RAPGEF6: variants seen among roughly 807,000 people sequenced by gnomAD.
RAPGEF6 encodes PDZ domain containing guanine nucleotide exchange factor (GEF) 2.
A neutral mutation model predicts 171.4 loss-of-function variants in RAPGEF6; 56 were observed. The observed-to-expected ratio is 0.33, with a 90% CI of 0.26 to 0.41. RAPGEF6 has a LOEUF of 0.41. Ranked by LOEUF, RAPGEF6 falls within the 10% of genes least tolerant of loss-of-function variation. The probability of loss-of-function intolerance (pLI) is 1.00; values close to 1 mark genes in which losing one functional copy is unlikely to be tolerated. For synonymous variants in RAPGEF6, 692 were observed against 650.1 expected, an observed-to-expected ratio of 1.06 and a Z score of -0.98; for missense variants, 1,674 against 1,921.4, an observed-to-expected ratio of 0.87 and a Z score of 2.41.
At chr5:131,500,055 T>C (rs1264575815) in intron 11 of RAPGEF6, among the ~76,000 whole-genome samples, 2 of 152,082 alleles carry the variant, frequency 1.3e-5, no homozygotes, top group Non-Finnish European at 2.9e-5. Context: ...TGCACCACTA[T>C]GCCCAGCTAA....
chr5:131,500,869 G>C (rs1756974451), intron 11 of RAPGEF6, among the ~76,000 whole-genome samples: 1 of 148,516 alleles, frequency 6.7e-6, no homozygotes, highest in African/African-American at 2.5e-5. Flanking sequence ...GTACCATAAA[G>C]TCAGTGTTGT....
intron 1 of RAPGEF6, among the ~76,000 whole-genome samples, chr5:131,625,349 A>G (rs915362770): frequency 7.9e-5 from 12 of 152,184 alleles, no homozygotes; most frequent in Non-Finnish European, 7.3e-5. Flanking sequence ...AGTTCATTTC[A>G]AAGTTTTTCA....
At chr5:131,583,356 C>A (rs1217709354) in intron 4 of RAPGEF6, among the ~76,000 whole-genome samples, 1 of 152,182 alleles carries the variant, frequency 6.6e-6, no homozygotes, top group East Asian at 1.9e-4. Context: ...AAAACAGACC[C>A]TTTGTGGCAA....
intron 7 of RAPGEF6, among the ~76,000 whole-genome samples, chr5:131,517,129 G>T (rs560332178): frequency 6.6e-6 from 1 of 152,316 alleles, no homozygotes; most frequent in South Asian, 2.1e-4. Context: ...GGCAGGGAGA[G>T]AGGGGCAAGG....
At chr5:131,541,308 C>G (rs7725220) in intron 6 of RAPGEF6, among the ~76,000 whole-genome samples, 118,767 of 151,994 alleles carry the variant, frequency 0.78, 46,737 homozygotes, top group African/African-American at 0.84. Flanking sequence ...TGGATAAAAG[C>G]AGCAAGTGGC....
rs776297789 is a variant in RAPGEF6 at position 131,464,085 on chromosome 5, T to G, written c.2436A>C (p.Pro812=). The G allele has an allele frequency of 1.6e-5, 25 of 1,612,536 alleles. No homozygotes were observed. The highest frequency in any genetic ancestry group is 2.0e-5 in the Non-Finnish European group (23 of 1,179,184). ...TATCAGCTAATTTGGAGAACTGATC[T>G]GGAAGTCTTCTCTGTTTTATGACAC... ...PEGVIKQRRL[P]DQFSKLADRI... is the part of the protein sequence containing the mutation. The change falls in exon 18 of 28, where the codon CCA becomes CCC. Residue 812 remains proline (P), a synonymous_variant. Transcript: ENST00000509018.
At chr5:131,563,050 AT>A (rs1488088550) in intron 4 of RAPGEF6, among the ~76,000 whole-genome samples, 3 of 151,874 alleles carry the variant, frequency 2.0e-5, no homozygotes, top group Admixed American at 6.6e-5. Context: ...GATAACCTGA[AT>A]TTTTTTTAAT....
At chr5:131,500,395 T>A (rs1756944581) in intron 11 of RAPGEF6, among the ~76,000 whole-genome samples, 1 of 152,148 alleles carries the variant, frequency 6.6e-6, no homozygotes, top group African/African-American at 2.4e-5. Context: ...TTAATTCCAT[T>A]TCCTAGAATA....
chr5:131,565,081 A>C (rs2149971756), intron 4 of RAPGEF6, among the ~76,000 whole-genome samples: 1 of 152,222 alleles, frequency 6.6e-6, no homozygotes, highest in Admixed American at 6.5e-5. Context: ...ACTAATATAA[A>C]CTCTCAACTA....
intron 22 of RAPGEF6, 127 bp from the exon 23 acceptor site, chr5:131,442,664 C>T: frequency 7.2e-7 from 1 of 1,386,030 alleles, no homozygotes; most frequent in Non-Finnish European, 9.4e-7. Flanking sequence ...ATTAATTTTT[C>T]TTAGCAGGAA....
intron 19 of RAPGEF6, among the ~76,000 whole-genome samples, chr5:131,460,658 A>T (rs2149833526): frequency 6.6e-6 from 1 of 152,316 alleles, no homozygotes; most frequent in South Asian, 2.1e-4. Flanking sequence ...ACACATTGCT[A>T]CTATATGGGA....
chr5:131,474,795 GTCTT>G (rs1334078263), intron 16 of RAPGEF6, among the ~76,000 whole-genome samples: 2 of 152,160 alleles, frequency 1.3e-5, no homozygotes, highest in African/African-American at 4.8e-5. Context: ...TAAAAAAACA[GTCTT>G]TCTTTAATTG....
At chr5:131,595,923 C>T (rs1053024134) in intron 3 of RAPGEF6, among the ~76,000 whole-genome samples, 6 of 152,124 alleles carry the variant, frequency 3.9e-5, no homozygotes, top group Non-Finnish European at 8.8e-5. Context: ...GAGGCTGAGA[C>T]AGGCAGATCA....
chr5:131,501,835 G>GT (rs943299447), intron 11 of RAPGEF6, among the ~76,000 whole-genome samples: 6 of 152,132 alleles, frequency 3.9e-5, no homozygotes, highest in Admixed American at 3.9e-4. Context: ...TAGTGGAATT[G>GT]TAACTCATGG....
intron 21 of RAPGEF6, chr5:131,450,054 C>G (rs1561473680): frequency 1.3e-6 from 2 of 1,542,062 alleles, no homozygotes; most frequent in South Asian, 2.4e-5. Context: ...TTCCTGTAAG[C>G]AAGAGCCACA....
chr5:131,501,009 T>G (rs1033975758), intron 11 of RAPGEF6, among the ~76,000 whole-genome samples: 26 of 152,036 alleles, frequency 1.7e-4, no homozygotes, highest in Middle Eastern at 3.2e-3. Context: ...ATCCCAGCAC[T>G]TCTGGAGCCC....
intron 6 of RAPGEF6, among the ~76,000 whole-genome samples, chr5:131,547,191 T>A (rs1199893031): frequency 6.6e-6 from 1 of 152,356 alleles, no homozygotes; most frequent in East Asian, 1.9e-4. Flanking sequence ...TAATCTTTCT[T>A]ACTCCTAACA....
At chr5:131,585,327 T>C (rs1285393094) in intron 4 of RAPGEF6, among the ~76,000 whole-genome samples, 1 of 150,376 alleles carries the variant, frequency 6.6e-6, no homozygotes, top group Admixed American at 6.6e-5. Context: ...CATACATACA[T>C]ACATACATAT....
At chr5:131,561,699 T>A (rs925689219) in intron 5 of RAPGEF6, among the ~76,000 whole-genome samples, 1 of 149,438 alleles carries the variant, frequency 6.7e-6, no homozygotes, top group Admixed American at 6.7e-5. Context: ...TGAAAACTCA[T>A]GGTCCCCTTT....
Sources: gnomAD v4.1 joint callset for allele counts (sites outside exome capture counted in the v4.1 genomes callset) on GRCh38, gnomAD v4.1.1 for gene constraint, MANE v1.5 for transcripts, NCBI Gene and HGNC (gene_info 2026-07-23, HGNC 2026-07-21) for gene names.